Variants in CFAP61 observed in about 807,000 individuals in gnomAD.
The protein encoded by CFAP61 is cilia- and flagella-associated protein 61.
In CFAP61, 107 loss-of-function variants were observed where a neutral mutation model predicts 135.6. That is an observed-to-expected ratio of 0.79 (90% CI 0.67 to 0.93). CFAP61 has a LOEUF of 0.93. CFAP61 is among the 40% of genes least tolerant of loss of function. The probability of loss-of-function intolerance (pLI) is 0.00; values close to 1 mark genes in which losing one functional copy is unlikely to be tolerated. For missense variants in CFAP61, 1,507 were observed against 1,556.2 expected, an observed-to-expected ratio of 0.97 and a Z score of 0.53; for synonymous variants, 575 against 578.5, an observed-to-expected ratio of 0.99 and a Z score of 0.09.
intron 21 of CFAP61, chr20:20,267,895 A>G (rs545776717): frequency 1.3e-5 from 2 of 152,266 alleles, no homozygotes; most frequent in East Asian, 3.9e-4. Context: ...CTCCACCCCA[A>G]TGTGCAGGCT....
intron 19 of CFAP61, among the ~76,000 whole-genome samples, chr20:20,250,640 G>T (rs981273000): frequency 5.9e-5 from 9 of 152,098 alleles, no homozygotes; most frequent in Admixed American, 5.9e-4. Context: ...TATGTTAAGA[G>T]AAAAAAGGAA....
intron 25 of CFAP61, among the ~76,000 whole-genome samples, chr20:20,313,662 A>G (rs186937094): frequency 1.3e-5 from 2 of 152,288 alleles, no homozygotes; most frequent in East Asian, 1.9e-4. Context: ...ACCGAGTAAC[A>G]TGAGTGAAAA....
Position 20,085,293 on chromosome 20 carries a change from G to A in CFAP61, c.567-5551G>A, listed in dbSNP as rs2046718664. ...TGCATGAGTTGTTTTCCATAGCTGG[G>A]GTGTTTTGTTTCTGTGGGGCTGGAC... On this transcript the variant is annotated intron_variant, in intron 6 of 26. Coordinates refer to ENST00000245957, the MANE Select transcript of CFAP61 (RefSeq NM_015585.4). 7 of 985,382 alleles carry A rather than the reference G, an allele frequency of 7.1e-6. No individual in the cohort carries two copies. In the South Asian group the frequency reaches 1.4e-4, roughly 20 times the overall value. 61.0% of individuals were successfully genotyped at this position (985,382 alleles called of 1,614,324 possible). A position where few individuals can be genotyped will look rare whatever the true frequency, so the allele number is the denominator to read the frequency against.
chr20:20,197,750 A>T (rs550394389), intron 16 of CFAP61, among the ~76,000 whole-genome samples: 1 of 152,292 alleles, frequency 6.6e-6, no homozygotes, highest in Non-Finnish European at 1.5e-5. Flanking sequence ...TCAGTCACTG[A>T]CAACATTGGT....
intron 15 of CFAP61, among the ~76,000 whole-genome samples, chr20:20,193,233 G>A (rs1426976168): frequency 6.6e-6 from 1 of 152,078 alleles, no homozygotes; most frequent in African/African-American, 2.4e-5. Context: ...GATTTTAATG[G>A]AATGATTCTA....
At chr20:20,193,958 A>G (rs374678292) in intron 15 of CFAP61, among the ~76,000 whole-genome samples, 3 of 152,140 alleles carry the variant, frequency 2.0e-5, no homozygotes, top group Non-Finnish European at 4.4e-5. Flanking sequence ...CCAGTATCCA[A>G]TGTCATTGAT....
chr20:20,331,800 A>G (rs187045065), intron 25 of CFAP61, among the ~76,000 whole-genome samples: 1 of 151,888 alleles, frequency 6.6e-6, no homozygotes, highest in Non-Finnish European at 1.5e-5. Flanking sequence ...AATGGGCATG[A>G]TTGTGAGTGA....
intron 2 of CFAP61, among the ~76,000 whole-genome samples, chr20:20,063,065 A>G (rs2044932211): frequency 2.6e-5 from 4 of 152,232 alleles, no homozygotes; most frequent in Admixed American, 6.5e-5. Context: ...AAGAAATGAT[A>G]GAAACCCATT....
intron 1 of CFAP61, 157 bp downstream of exon 1, chr20:20,052,748 C>G (rs2043839784): frequency 6.4e-7 from 1 of 1,570,408 alleles, no homozygotes; most frequent in Non-Finnish European, 8.7e-7. Flanking sequence ...AACGGAGCTC[C>G]AATCTGGATG....
chr20:20,298,462 G>T (rs1025795286), intron 25 of CFAP61, 76 bp downstream of exon 25: 2 of 1,304,348 alleles, frequency 1.5e-6, no homozygotes, highest in African/African-American at 2.9e-5. Flanking sequence ...GACATGTGTT[G>T]TGATGCACCC....
chr20:20,126,671 G>C (rs2050086528), intron 8 of CFAP61, among the ~76,000 whole-genome samples: 1 of 151,802 alleles, frequency 6.6e-6, no homozygotes, highest in Non-Finnish European at 1.5e-5. Flanking sequence ...CTTAACTCTA[G>C]ATAACCTGAT....
chr20:20,252,422 G>T (rs1434263636), intron 20 of CFAP61, among the ~76,000 whole-genome samples: 1 of 152,202 alleles, frequency 6.6e-6, no homozygotes, highest in Non-Finnish European at 1.5e-5. Context: ...GTGACAAGAG[G>T]CTTACTCTAA....
At chr20:20,172,322 CT>C (rs11475305) in intron 13 of CFAP61, 477,805 of 641,456 alleles carry the variant, frequency 0.74, 160,709 homozygotes, top group African/African-American at 0.87. Flanking sequence ...AATTAATAAA[CT>C]TTTTTTTTTT....
At chr20:20,177,531 CT>C (rs5840871) in intron 13 of CFAP61, among the ~76,000 whole-genome samples, 136,647 of 151,348 alleles carry the variant, frequency 0.9, 62,517 homozygotes, top group Middle Eastern at 0.99. Flanking sequence ...TGGCTGATGT[CT>C]TGTTTTCCTT....
intron 22 of CFAP61, among the ~76,000 whole-genome samples, chr20:20,285,069 C>G (rs1048669595): frequency 6.6e-6 from 1 of 152,114 alleles, no homozygotes; most frequent in Non-Finnish European, 1.5e-5. Flanking sequence ...GAATTCTGGG[C>G]TTATAGGTTA....
At chr20:20,292,427 T>G (rs1390290432) in intron 24 of CFAP61, among the ~76,000 whole-genome samples, 1 of 152,204 alleles carries the variant, frequency 6.6e-6, no homozygotes, top group Non-Finnish European at 1.5e-5. Context: ...ATCATCATAG[T>G]GTTCCAGTTT....
intron 25 of CFAP61, among the ~76,000 whole-genome samples, chr20:20,314,294 G>T (rs776461134): frequency 6.6e-6 from 1 of 150,914 alleles, no homozygotes; most frequent in Non-Finnish European, 1.5e-5. Context: ...AGTGGCTGAG[G>T]TGAGAGGATC....
intron 17 of CFAP61, among the ~76,000 whole-genome samples, chr20:20,202,904 T>C (rs1176605188): frequency 6.6e-6 from 1 of 152,128 alleles, no homozygotes; most frequent in African/African-American, 2.4e-5. Context: ...ATCCAGTCCC[T>C]ACCTTTCACC....
intron 11 of CFAP61, among the ~76,000 whole-genome samples, chr20:20,166,156 C>T (rs1429530363): frequency 6.6e-6 from 1 of 152,204 alleles, no homozygotes; most frequent in Non-Finnish European, 1.5e-5. Flanking sequence ...TTTGTGTTGG[C>T]TTTTCAAATG....
Sources: allele counts gnomAD v4.1 joint callset (sites outside exome capture counted in the v4.1 genomes callset), GRCh38; gene constraint gnomAD v4.1.1; transcripts MANE v1.5; gene names NCBI Gene and HGNC (gene_info 2026-07-23, HGNC 2026-07-21).